Variants in FAIM2 observed in about 807,000 individuals in gnomAD.
FAIM2 encodes the protein protein lifeguard 2.
A neutral mutation model predicts 47.4 loss-of-function variants in FAIM2; 27 were observed. The observed-to-expected ratio is 0.57, with a 90% CI of 0.42 to 0.78. FAIM2 has a LOEUF of 0.78. Among genes scored for constraint, FAIM2 ranks in the 30% least tolerant of loss-of-function variants. The pLI is 0.00. For synonymous variants in FAIM2, 156 were observed against 159.3 expected (o/e 0.98, Z 0.16); for missense variants, 311 against 389.4 (o/e 0.80, Z 1.69).
At chr12:49,896,966 A>C in intron 5 of FAIM2, 65 bp downstream of exon 5, 73 of 1,307,424 alleles carry the variant, frequency 5.6e-5, no homozygotes, top group Non-Finnish European at 7.1e-5. Context: ...AGAAAGACAC[A>C]GAGATTCCCT....
intron 11 of FAIM2, among the ~76,000 whole-genome samples, chr12:49,879,844 GTGTA>G (rs554616893): frequency 1.0e-3 from 148 of 146,004 alleles, no homozygotes; most frequent in African/African-American, 2.5e-3. Flanking sequence ...GCATGTGTGA[GTGTA>G]TGTATGTTCA....
chr12:49,879,732 GTC>G (rs910318780), intron 11 of FAIM2, among the ~76,000 whole-genome samples: 27 of 151,106 alleles, frequency 1.8e-4, no homozygotes, highest in South Asian at 6.3e-4. Context: ...GCAAGTGTGT[GTC>G]TGAGTGAATG....
At chr12:49,880,726 G>A (rs917876347) in intron 11 of FAIM2, among the ~76,000 whole-genome samples, 3 of 150,914 alleles carry the variant, frequency 2.0e-5, no homozygotes, top group Admixed American at 2.0e-4. Context: ...GCGTGTATAT[G>A]TGTGTGTGTA....
Position 49,878,405 on chromosome 12 carries a change from C to T in FAIM2, c.802-7752G>A, listed in dbSNP as rs1273017526. 1.0e-4 allele frequency among the ~76,000 whole-genome samples: 5 copies of T among 48,102 alleles called. 1 individual carries two copies. Among genetic ancestry groups the T allele is most frequent in the African/African-American group, 6.4e-4 (5 of 7,760 alleles). The allele number at this position is 48,102 out of a possible 152,430, so 31.6% of individuals were successfully genotyped here. A position where few individuals can be genotyped will look rare whatever the true frequency, so the allele number is the denominator to read the frequency against. ...GTGTGTATATGTGTGTGTCTGTGTG[C>T]ATGTGAGTGTATGTGTGTGTATATG... is the stretch of plus-strand genomic sequence containing the variant. On this transcript the variant is annotated intron_variant, in intron 11 of 11. Transcript: ENST00000320634.
chr12:49,879,532 A>G (rs62648571), intron 11 of FAIM2, among the ~76,000 whole-genome samples: 115,176 of 149,858 alleles, frequency 0.77, 44,467 homozygotes, highest in African/African-American at 0.86. Flanking sequence ...GTCCATGTGT[A>G]TATATGTGAG....
intron 11 of FAIM2, among the ~76,000 whole-genome samples, chr12:49,881,150 AGT>A (rs1802082250): frequency 6.6e-6 from 1 of 152,306 alleles, no homozygotes; most frequent in Admixed American, 6.5e-5. Context: ...TGCAGCATCC[AGT>A]ACTGACCATG....
At chr12:49,880,779 AGT>A (rs1304884240) in intron 11 of FAIM2, among the ~76,000 whole-genome samples, 2 of 148,764 alleles carry the variant, frequency 1.3e-5, no homozygotes, top group Non-Finnish European at 3.0e-5. Context: ...TGTGTATATG[AGT>A]GTGTATGTAT....
chr12:49,901,308 C>T lies in FAIM2; in HGVS notation c.33G>A (p.Lys11=), dbSNP rs1357203768. 6.3e-7 allele frequency: 1 copy of T among 1,591,220 alleles called. No individual in the cohort carries two copies. The change falls in exon 2 of 12, where the codon AAG becomes AAA. Residue 11 remains lysine (K), a synonymous_variant. Coordinates refer to ENST00000320634, the MANE Select transcript of FAIM2 (RefSeq NM_012306.4). Reference sequence around the variant, plus strand: ...GCTGCTGCCCCTCGGTCCCAGGGGCCTTGTTAGCCACGGAGAGCTATGGAG... The same window carrying T: ...GCTGCTGCCCCTCGGTCCCAGGGGCTTTGTTAGCCACGGAGAGCTATGGAG... MTQGKLSVAN[K]APGTEGQQQV...
At chr12:49,878,805 T>C (rs111203861) in intron 11 of FAIM2, among the ~76,000 whole-genome samples, 448 of 37,980 alleles carry the variant, frequency 0.012, 23 homozygotes, top group South Asian at 0.071. Context: ...TGTATATGTG[T>C]GCATGTGAAT....
chr12:49,877,804 G>T (rs1946747437), intron 11 of FAIM2, among the ~76,000 whole-genome samples: 1 of 151,878 alleles, frequency 6.6e-6, no homozygotes, highest in Non-Finnish European at 1.5e-5. Context: ...ATGTGTGTGA[G>T]TGTGCGTATG....
intron 5 of FAIM2, among the ~76,000 whole-genome samples, chr12:49,896,038 T>A (rs1425441247): frequency 6.6e-6 from 1 of 152,222 alleles, no homozygotes; most frequent in Non-Finnish European, 1.5e-5. Flanking sequence ...CTGTCTCCTG[T>A]CTTCATGGCC....
intron 5 of FAIM2, among the ~76,000 whole-genome samples, chr12:49,894,145 C>T (rs752555959): frequency 7.9e-5 from 12 of 152,136 alleles, no homozygotes; most frequent in Non-Finnish European, 2.9e-5. Flanking sequence ...TCCACTTTAG[C>T]GAAACAAAAA....
In FAIM2 at chr12:49,879,272, G is replaced by A. The variant is rs1196886170; in HGVS notation, c.801+8114C>T. ...TGTGCATGTGTGTATGTGTGCATGT[G>A]TATATGTGTGTATGTGTGTGGGTAT... On this transcript the variant is annotated intron_variant, in intron 11 of 11. Transcript: ENST00000320634. Among the ~76,000 whole-genome samples the A allele has an allele frequency of 3.1e-5, 2 of 63,744 alleles. 1 individual carries two copies. The highest frequency in any genetic ancestry group is 1.1e-3 in the East Asian group (2 of 1,762). The allele number at this position is 63,744 out of a possible 152,430, so 41.8% of individuals were successfully genotyped here.
rs1271613992 is a variant in FAIM2, at chr12:49,879,144, G to A, written c.801+8242C>T. 2.9e-5 allele frequency among the ~76,000 whole-genome samples: 4 copies of A among 136,212 alleles called. 1 individual carries two copies. Among genetic ancestry groups the A allele is most frequent in the African/African-American group, 1.1e-4 (4 of 35,856 alleles). The allele number at this position is 136,212 out of a possible 152,430, so 89.4% of individuals were successfully genotyped here. On this transcript the variant is annotated intron_variant, in intron 11 of 11. Transcript: ENST00000320634. Reference sequence around the variant, plus strand: ...TATATGTGCATATCTCTGCATGTTTGTGTATGTGCATGTGTATGTGTGTGT... The same window carrying A: ...TATATGTGCATATCTCTGCATGTTTATGTATGTGCATGTGTATGTGTGTGT...
chr12:49,897,540 A>T lies in FAIM2; in HGVS notation c.359T>A (p.Val120Asp). ...TCACCAGAAAGTAAAGAGAGCCACG[A>T]CAGCCAAGGTCACCAGCAGCTGAAT... is the stretch of plus-strand genomic sequence containing the variant. ...LLIQLLVTLAVVALFTFCDPV... is the reference protein window; with the variant it reads ...LLIQLLVTLADVALFTFCDPV... The change falls in exon 4 of 12, where the codon GTC becomes GAC. Residue 120 changes from valine to aspartate, a missense_variant. Coordinates refer to ENST00000320634, the MANE Select transcript of FAIM2 (RefSeq NM_012306.4). 6.2e-7 allele frequency: 1 copy of T among 1,614,166 alleles called. No individual in the cohort carries two copies. The highest frequency in any genetic ancestry group is 8.5e-7 in the Non-Finnish European group (1 of 1,180,008).
intron 2 of FAIM2, among the ~76,000 whole-genome samples, chr12:49,900,577 C>T (rs1177203518): frequency 6.6e-6 from 1 of 152,102 alleles, no homozygotes; most frequent in African/African-American, 2.4e-5. Context: ...TGAACTCCTG[C>T]CCCAGCACGG....
chr12:49,903,588 G>A (rs1004094883), intron 1 of FAIM2, among the ~76,000 whole-genome samples, 190 bp downstream of exon 1: 11 of 152,236 alleles, frequency 7.2e-5, no homozygotes, highest in African/African-American at 1.2e-4. Flanking sequence ...GCGCGCCTGC[G>A]GGCAGGAAGA....
chr12:49,888,576 A>C (rs1946877379), intron 10 of FAIM2, among the ~76,000 whole-genome samples: 1 of 152,100 alleles, frequency 6.6e-6, no homozygotes, highest in Non-Finnish European at 1.5e-5. Context: ...TGGATTCCCC[A>C]GGGCAGGCTG....
intron 11 of FAIM2, 32 bp from the exon 12 acceptor site, chr12:49,870,685 CAG>C: frequency 6.2e-7 from 1 of 1,608,312 alleles, no homozygotes. Context: ...AGAGAGAGGT[CAG>C]AGGCCCAGGC....
Sources: allele counts gnomAD v4.1 joint callset (sites outside exome capture counted in the v4.1 genomes callset), GRCh38; gene constraint gnomAD v4.1.1; transcripts MANE v1.5; gene names NCBI Gene and HGNC (gene_info 2026-07-23, HGNC 2026-07-21).